Variants in TMTC2 observed in about 807,000 individuals in gnomAD.
The protein encoded by TMTC2 is protein O-mannosyl-transferase TMTC2.
In TMTC2, 43 loss-of-function variants were observed where a neutral mutation model predicts 82.4. The observed-to-expected ratio is 0.52, with a 90% CI of 0.41 to 0.67. TMTC2 has a LOEUF of 0.67. Among genes scored for constraint, TMTC2 ranks in the 30% least tolerant of loss-of-function variants. TMTC2 has a pLI of 0.00. For missense variants in TMTC2, 919 were observed against 1,012.4 expected, an observed-to-expected ratio of 0.91 and a Z score of 1.25; for synonymous variants, 408 against 381.9, an observed-to-expected ratio of 1.07 and a Z score of -0.80.
At chr12:82,907,852 G>A (rs1565804396) in intron 3 of TMTC2, among the ~76,000 whole-genome samples, 1 of 152,122 alleles carries the variant, frequency 6.6e-6, no homozygotes, top group Non-Finnish European at 1.5e-5. Flanking sequence ...GGTGGCTCAT[G>A]CCTGTAATCC....
At chr12:83,103,836 ACCAATAAGC>A (rs1174103274) in intron 11 of TMTC2, among the ~76,000 whole-genome samples, 1 of 152,204 alleles carries the variant, frequency 6.6e-6, no homozygotes, top group Non-Finnish European at 1.5e-5. Flanking sequence ...AATCTCTTCC[ACCAATAAGC>A]CTGTAAAATA....
At chr12:82,704,080 G>C (rs1283916689) in intron 1 of TMTC2, among the ~76,000 whole-genome samples, 2 of 152,058 alleles carry the variant, frequency 1.3e-5, no homozygotes, top group East Asian at 3.8e-4. Context: ...ATTTTTTTAT[G>C]GGAGGTGGGG....
intron 8 of TMTC2, among the ~76,000 whole-genome samples, chr12:83,014,213 A>G (rs1263801443): frequency 6.6e-6 from 1 of 152,026 alleles, no homozygotes; most frequent in African/African-American, 2.4e-5. Context: ...CCCAGGCTGG[A>G]GTGTAGAGGC....
At chr12:83,062,393 A>G (rs897546361) in intron 11 of TMTC2, among the ~76,000 whole-genome samples, 5 of 151,804 alleles carry the variant, frequency 3.3e-5, no homozygotes, top group South Asian at 4.1e-4. Context: ...GTAACCATCT[A>G]TAAGAAAATA....
intron 1 of TMTC2, among the ~76,000 whole-genome samples, chr12:82,766,657 A>C (rs1021548646): frequency 1.3e-5 from 2 of 152,238 alleles, no homozygotes; most frequent in African/African-American, 4.8e-5. Context: ...CAGAGATTCC[A>C]AATATTCAGA....
intron 3 of TMTC2, among the ~76,000 whole-genome samples, chr12:82,917,545 A>G (rs1277729926): frequency 2.0e-5 from 3 of 152,060 alleles, no homozygotes; most frequent in Non-Finnish European, 4.4e-5. Flanking sequence ...GAGGATTAGG[A>G]GAGATCACAT....
chr12:82,726,751 C>T lies in TMTC2; in HGVS notation c.83+39082C>T, dbSNP rs183999875. Among the ~76,000 whole-genome samples, 84 of 151,752 alleles carry T rather than the reference C, an allele frequency of 5.5e-4. 1 individual carries two copies. The highest frequency in any genetic ancestry group is 1.9e-3 in the African/African-American group (78 of 41,360). ...AAAATTAGCCGGGCGTGTTGGTGGG[C>T]GCCTGTAGTCCCAGCTACTCGGGAG... On this transcript the variant is annotated intron_variant, in intron 1 of 11. Coordinates refer to ENST00000321196, the MANE Select transcript of TMTC2 (RefSeq NM_152588.3).
At chr12:82,795,374 C>T (rs1429629326) in intron 1 of TMTC2, among the ~76,000 whole-genome samples, 2 of 150,384 alleles carry the variant, frequency 1.3e-5, no homozygotes, top group African/African-American at 2.4e-5. Context: ...ATATTCTGTA[C>T]GTTATATCCA....
At chr12:82,879,539 G>A (rs1001713934) in intron 2 of TMTC2, among the ~76,000 whole-genome samples, 7 of 152,188 alleles carry the variant, frequency 4.6e-5, no homozygotes, top group Admixed American at 3.9e-4. Context: ...GTGTGGCTCA[G>A]TTCCTAACAG....
intron 4 of TMTC2, among the ~76,000 whole-genome samples, chr12:82,935,513 G>A (rs970366538): frequency 7.9e-5 from 12 of 152,108 alleles, no homozygotes; most frequent in Middle Eastern, 3.2e-3. Flanking sequence ...GATTTACACA[G>A]TCAGATTTTA....
At chr12:82,769,211 T>A (rs559641900) in intron 1 of TMTC2, among the ~76,000 whole-genome samples, 88 of 151,834 alleles carry the variant, frequency 5.8e-4, no homozygotes, top group African/African-American at 1.9e-3. Context: ...GGTGGCTCAC[T>A]CCTGTAATCC....
chr12:83,016,869 G>GGTTTTACAT (rs1880702934), intron 8 of TMTC2, among the ~76,000 whole-genome samples: 1 of 152,128 alleles, frequency 6.6e-6, no homozygotes. Flanking sequence ...GATTATAATA[G>GGTTTTACAT]TATTTTAGGG....
rs111236067 is a variant in TMTC2, at chr12:82,985,909, T to G, written c.1949-16T>G. The G allele has an allele frequency of 3.8e-3, 6,084 of 1,611,156 alleles. 192 individuals carry two copies. The African/African-American group carries it at 0.069, about 18-fold the overall frequency. On this transcript the variant is annotated splice_polypyrimidine_tract_variant and intron_variant, in intron 7 of 11. Coordinates refer to ENST00000321196, the MANE Select transcript of TMTC2 (RefSeq NM_152588.3). ...TGTATCCTCCCTTTGACCTTCATGA[T>G]TAATTCTCTTTCCAGGTGAAGCATA...
At chr12:83,037,573 A>T (rs966875766) in intron 9 of TMTC2, among the ~76,000 whole-genome samples, 7 of 152,204 alleles carry the variant, frequency 4.6e-5, no homozygotes, top group Non-Finnish European at 1.0e-4. Flanking sequence ...ATACACAGAT[A>T]TGTAATTAAA....
chr12:83,012,272 G>A (rs753467762), intron 8 of TMTC2, among the ~76,000 whole-genome samples: 6 of 152,038 alleles, frequency 3.9e-5, no homozygotes, highest in Admixed American at 6.6e-5. Flanking sequence ...ACAAAAAAAT[G>A]AGAGAAGAAA....
chr12:83,129,984 C>T (rs1044748530), intron 11 of TMTC2, among the ~76,000 whole-genome samples: 2 of 152,166 alleles, frequency 1.3e-5, no homozygotes, highest in Admixed American at 6.5e-5. Context: ...TAGGTGCAGA[C>T]ACTTTGGTAA....
chr12:82,985,152 C>T (rs780003535), intron 7 of TMTC2, among the ~76,000 whole-genome samples: 18 of 152,122 alleles, frequency 1.2e-4, no homozygotes, highest in East Asian at 3.9e-4. Context: ...TTGATCTCCC[C>T]GGCTCAGGTG....
At chr12:82,751,075 A>G (rs1261380037) in intron 1 of TMTC2, among the ~76,000 whole-genome samples, 2 of 152,160 alleles carry the variant, frequency 1.3e-5, no homozygotes, top group East Asian at 1.9e-4. Flanking sequence ...AGGCAGAATG[A>G]TGTGTTAAAC....
At chr12:82,722,718 G>A (rs895994877) in intron 1 of TMTC2, among the ~76,000 whole-genome samples, 17 of 152,020 alleles carry the variant, frequency 1.1e-4, no homozygotes, top group Admixed American at 1.0e-3. Context: ...TTTCGGCCTG[G>A]GCAATGAAGC....
Sources: allele counts gnomAD v4.1 joint callset (sites outside exome capture counted in the v4.1 genomes callset), GRCh38; gene constraint gnomAD v4.1.1; transcripts MANE v1.5; gene names NCBI Gene and HGNC (gene_info 2026-07-23, HGNC 2026-07-21).